The following PUS7 variants were observed in gnomAD, a reference collection of about 807,000 sequenced individuals.
The protein encoded by PUS7 is pseudouridine synthase 7, also known as pseudouridylate synthase 7 homolog.
A neutral mutation model predicts 79.8 loss-of-function variants in PUS7; 48 were observed. The ratio of observed to expected loss-of-function variants is 0.60; its 90% CI spans 0.48 to 0.76. The LOEUF (loss-of-function observed/expected upper bound fraction) is 0.76. Ranked by LOEUF, PUS7 falls within the 30% of genes least tolerant of loss-of-function variation. The pLI is 0.00. For synonymous variants in PUS7, 286 were observed against 272.2 expected, an observed-to-expected ratio of 1.05 and a Z score of -0.50; for missense variants, 729 against 797.6, an observed-to-expected ratio of 0.91 and a Z score of 1.04.
chr7:105,518,544 G>T (rs1825981981), intron 1 of PUS7, among the ~76,000 whole-genome samples: 1 of 151,772 alleles, frequency 6.6e-6, no homozygotes, highest in African/African-American at 2.4e-5. Flanking sequence ...TGGGACTACA[G>T]GCATGTGCCA....
rs1187240604 is a variant in PUS7, at chr7:105,459,163, C to T, written c.1849+5G>A. ...AACACAGAGCTGATGACTGAGTAAA[C>T]TTACCAGAAGCAAAAACTGGTGGTG... On this transcript the variant is annotated splice_donor_5th_base_variant and intron_variant, in intron 15 of 15. Transcript: ENST00000469408. 6.3e-7 allele frequency: 1 copy of T among 1,591,658 alleles called. No homozygotes were observed. Among genetic ancestry groups the T allele is most frequent in the South Asian group, 1.1e-5 (1 of 88,408 alleles).
At chr7:105,472,999 G>A (rs62484759) in intron 9 of PUS7, among the ~76,000 whole-genome samples, 4 of 148,522 alleles carry the variant, frequency 2.7e-5, no homozygotes, top group Non-Finnish European at 5.9e-5. Context: ...CTGACCTTGT[G>A]ACCCACCCGC....
At chr7:105,470,529 G>T in intron 11 of PUS7, 159 bp downstream of exon 11, 2 of 722,300 alleles carry the variant, frequency 2.8e-6, no homozygotes, top group Non-Finnish European at 4.1e-6. Flanking sequence ...CACCACTCAG[G>T]GTCTGAACAA....
intron 1 of PUS7, among the ~76,000 whole-genome samples, chr7:105,517,047 T>G (rs930321391): frequency 1.3e-5 from 2 of 152,184 alleles, no homozygotes; most frequent in African/African-American, 4.8e-5. Context: ...CTATCCATGA[T>G]AGTAATGATG....
chr7:105,492,980 A>G (rs1824859873), intron 6 of PUS7, among the ~76,000 whole-genome samples: 1 of 152,206 alleles, frequency 6.6e-6, no homozygotes, highest in Non-Finnish European at 1.5e-5. Context: ...ATTTGTGGCT[A>G]TTAGTAAATA....
intron 5 of PUS7, among the ~76,000 whole-genome samples, chr7:105,500,162 C>T (rs1825189866): frequency 6.6e-6 from 1 of 152,214 alleles, no homozygotes; most frequent in Non-Finnish European, 1.5e-5. Flanking sequence ...TTGATCCAAT[C>T]TGACTTCCTT....
intron 7 of PUS7, 83 bp downstream of exon 7, chr7:105,491,457 A>G (rs1188501430): frequency 2.3e-6 from 2 of 858,430 alleles, no homozygotes; most frequent in Non-Finnish European, 3.5e-6. Flanking sequence ...CTGAGAGAGA[A>G]ACCCCCAAAG....
At chr7:105,466,815 A>G (rs183616696) in intron 12 of PUS7, among the ~76,000 whole-genome samples, 5 of 152,202 alleles carry the variant, frequency 3.3e-5, no homozygotes, top group African/African-American at 1.2e-4. Flanking sequence ...CACCCAGGAC[A>G]TTAAAATACA....
chr7:105,502,444 C>T lies in PUS7; in HGVS notation c.706G>A (p.Ala236Thr), dbSNP rs201252351. ...EGKKYIVAYH[A>T]AGKKALANPR... is the part of the protein sequence containing the mutation. ...CTTGCCAAAGCCTTTTTCCCAGCTGCGTGGTAGGCTACAATGTATTTCTTC... is the reference window on the plus strand; with the variant it reads ...CTTGCCAAAGCCTTTTTCCCAGCTGTGTGGTAGGCTACAATGTATTTCTTC... The change falls in exon 5 of 16, where the codon GCA (alanine) becomes ACA (threonine). Residue 236 changes from alanine to threonine, a missense_variant. Ala to Thr is a moderately conservative substitution (Grantham distance 58). Transcript: ENST00000469408. The T allele has an allele frequency of 2.2e-5, 35 of 1,614,086 alleles. No homozygotes were observed. Among genetic ancestry groups the T allele is most frequent in the East Asian group, 1.6e-4 (7 of 44,870 alleles).
At chr7:105,468,014 C>T (rs1236096489) in intron 12 of PUS7, among the ~76,000 whole-genome samples, 1 of 151,864 alleles carries the variant, frequency 6.6e-6, no homozygotes, top group African/African-American at 2.4e-5. Flanking sequence ...CTCACTGCAA[C>T]ATCTGCCTCC....
At chr7:105,475,280 G>A (rs1393125620) in intron 9 of PUS7, among the ~76,000 whole-genome samples, 2 of 152,084 alleles carry the variant, frequency 1.3e-5, no homozygotes, top group East Asian at 1.9e-4. Flanking sequence ...CCGCCTCCCG[G>A]GTTCACGCCA....
chr7:105,490,012 G>A (rs1192808778), intron 7 of PUS7, among the ~76,000 whole-genome samples: 1 of 151,608 alleles, frequency 6.6e-6, no homozygotes, highest in African/African-American at 2.4e-5. Context: ...CCAGCTACTT[G>A]GGAGGCTGAG....
At chr7:105,517,302 A>C (rs1477116749) in intron 1 of PUS7, among the ~76,000 whole-genome samples, 1 of 152,100 alleles carries the variant, frequency 6.6e-6, no homozygotes, top group Non-Finnish European at 1.5e-5. Context: ...GAGTACATAC[A>C]GGCATGCGCC....
rs139198046 is a variant in PUS7 at position 105,490,154 on chromosome 7, G to T, written c.920+1386C>A. ...ATCCGAGAAACCAAAATAAATACAT[G>T]TATTTAAGTAGAGGTAGCAAACATA... On this transcript the variant is annotated intron_variant, in intron 7 of 15. Coordinates refer to ENST00000469408, the MANE Select transcript of PUS7 (RefSeq NM_019042.5). Among the ~76,000 whole-genome samples the T allele has an allele frequency of 1.6e-3, 244 of 150,628 alleles. 1 individual carries two copies. Among genetic ancestry groups the T allele is most frequent in the African/African-American group, 5.8e-3 (238 of 41,092 alleles).
chr7:105,456,705 G>T lies in PUS7; in HGVS notation c.*1085C>A, dbSNP rs1296978476. 6.6e-6 allele frequency: 1 copy of T among 152,104 alleles called. No homozygotes were observed. The highest frequency in any genetic ancestry group is 2.4e-5 in the African/African-American group (1 of 41,412). 9.4% of individuals were successfully genotyped at this position (152,104 alleles called of 1,614,324 possible). On this transcript the variant is annotated 3_prime_UTR_variant, in exon 16 of 16. Transcript: ENST00000469408. Reference sequence around the variant, plus strand: ...CAGACATGGAAATACCAAAGCCACTGGTGACAAAGGGTAAACGCTACTGAT... The same window carrying T: ...CAGACATGGAAATACCAAAGCCACTTGTGACAAAGGGTAAACGCTACTGAT...
At position 105,502,480 on chromosome 7, in the gene PUS7, CCT is replaced by C; in HGVS notation, c.668_669del (p.Glu223GlyfsTer2). 1 of 1,614,126 alleles carries C rather than the reference CCT, an allele frequency of 6.2e-7. No individual in the cohort carries two copies. Among genetic ancestry groups the C allele is most frequent in the Non-Finnish European group, 8.5e-7 (1 of 1,180,012 alleles). On this transcript the variant is annotated frameshift_variant, in exon 5 of 16. Coordinates refer to ENST00000469408, the MANE Select transcript of PUS7 (RefSeq NM_019042.5). LOFTEE classifies it high-confidence loss of function. ...ACAATGTATTTCTTCCCCTCCCTATCCTCTGTTTTTGTCTCTAATCCTGGAAA... is the reference window on the plus strand; with the variant it reads ...ACAATGTATTTCTTCCCCTCCCTATCCTGTTTTTGTCTCTAATCCTGGAAA... ...SLFPGLETKT[E>X]DREGKKYIVA...
Position 105,513,435 on chromosome 7 carries a change from G to A in PUS7, c.-32-4891C>T, listed in dbSNP as rs10234361. Reference sequence around the variant, plus strand: ...TACTAAGTGGGTGACTTAACCTCTCGAATCTGTTTCTTTCTCTGTAAAAGT... The same window carrying A: ...TACTAAGTGGGTGACTTAACCTCTCAAATCTGTTTCTTTCTCTGTAAAAGT... On this transcript the variant is annotated intron_variant, in intron 1 of 15. Transcript: ENST00000469408. Among the ~76,000 whole-genome samples, 504 of 152,318 alleles carry A rather than the reference G, an allele frequency of 3.3e-3. 3 individuals carry two copies. Among genetic ancestry groups the A allele is most frequent in the African/African-American group, 0.01 (423 of 41,572 alleles).
rs1825017923 is a variant in PUS7 at position 105,496,216 on chromosome 7, TATATATATATAGAGAGAGAG to T, written c.731-983_731-964del. On this transcript the variant is annotated intron_variant, in intron 5 of 15. Coordinates refer to ENST00000469408, the MANE Select transcript of PUS7 (RefSeq NM_019042.5). ...ACACACATATATATATATATATATATATATATATATAGAGAGAGAGAGAGAGAGAGAGAGAGAGGGAGAGA... is the reference window on the plus strand; with the variant it reads ...ACACACATATATATATATATATATATAGAGAGAGAGAGAGAGAGGGAGAGA... Among the ~76,000 whole-genome samples, 75 of 76,720 alleles carry T rather than the reference TATATATATATAGAGAGAGAG, an allele frequency of 9.8e-4. 1 individual carries two copies. Among genetic ancestry groups the T allele is most frequent in the African/African-American group, 3.9e-3 (70 of 17,854 alleles). 50.3% of individuals were successfully genotyped at this position (76,720 alleles called of 152,430 possible). A position where few individuals can be genotyped will look rare whatever the true frequency, so the allele number is the denominator to read the frequency against.
At chr7:105,498,916 T>G (rs1451908972) in intron 5 of PUS7, among the ~76,000 whole-genome samples, 3 of 152,184 alleles carry the variant, frequency 2.0e-5, no homozygotes, top group Non-Finnish European at 4.4e-5. Flanking sequence ...CGTGAGCCAC[T>G]GCGCCTGGCC....
Sources: gnomAD v4.1 joint callset for allele counts (sites outside exome capture counted in the v4.1 genomes callset) on GRCh38, gnomAD v4.1.1 for gene constraint, MANE v1.5 for transcripts, NCBI Gene and HGNC (gene_info 2026-07-23, HGNC 2026-07-21) for gene names.